The following SHISA9 variants were observed in gnomAD, a reference collection of about 807,000 sequenced individuals.
The protein encoded by SHISA9 is shisa family member 9, also known as protein shisa-9.
SHISA9 carries 13 observed loss-of-function variants against 38.0 expected under a neutral mutation model. That is an observed-to-expected ratio of 0.34 (90% CI 0.22 to 0.54). SHISA9 has a LOEUF of 0.54. Ranked by LOEUF, SHISA9 falls within the 20% of genes least tolerant of loss-of-function variation. SHISA9 has a pLI of 0.91. For missense variants in SHISA9, 538 were observed against 575.8 expected (o/e 0.93, Z 0.67); for synonymous variants, 275 against 242.0 (o/e 1.14, Z -1.27).
the SHISA9 span, among the ~76,000 whole-genome samples, chr16:13,310,013 A>C: frequency 6.6e-6 from 1 of 151,988 alleles, no homozygotes; most frequent in Non-Finnish European, 1.5e-5. Flanking sequence ...TCAGCCCTCA[A>C]AGTAGGTGGG....
the SHISA9 span, among the ~76,000 whole-genome samples, chr16:13,407,906 G>C: frequency 6.6e-6 from 1 of 152,180 alleles, no homozygotes; most frequent in Non-Finnish European, 1.5e-5. Flanking sequence ...AGAAAGCAAA[G>C]AAAACCACAG....
At chr16:13,016,564 T>G (rs1025057335) in intron 2 of SHISA9, among the ~76,000 whole-genome samples, 2 of 151,992 alleles carry the variant, frequency 1.3e-5, no homozygotes, top group Non-Finnish European at 2.9e-5. Context: ...GTAGTGGTTT[T>G]TTGTTGTTGT....
At chr16:12,953,404 A>G (rs2071786266) in intron 2 of SHISA9, among the ~76,000 whole-genome samples, 1 of 152,188 alleles carries the variant, frequency 6.6e-6, no homozygotes. Context: ...GCACAGAAAG[A>G]TGAAGCTGTT....
At chr16:13,143,615 T>C (rs775935307) in intron 2 of SHISA9, among the ~76,000 whole-genome samples, 5 of 152,222 alleles carry the variant, frequency 3.3e-5, no homozygotes, top group Admixed American at 6.5e-5. Flanking sequence ...TCCCACTAGA[T>C]TGATGTATAA....
the SHISA9 span, among the ~76,000 whole-genome samples, chr16:13,526,862 C>G: frequency 6.6e-6 from 1 of 152,202 alleles, no homozygotes. Context: ...CCCAAACGTA[C>G]ATCCATGGTG....
the SHISA9 span, among the ~76,000 whole-genome samples, chr16:13,421,719 T>C: frequency 6.6e-6 from 1 of 152,214 alleles, no homozygotes; most frequent in South Asian, 2.1e-4. Context: ...AAGAACCCAA[T>C]ACAATATTTG....
At chr16:12,975,953 T>G (rs565261221) in intron 2 of SHISA9, among the ~76,000 whole-genome samples, 1 of 152,234 alleles carries the variant, frequency 6.6e-6, no homozygotes, top group Non-Finnish European at 1.5e-5. Context: ...GCAAATCTGA[T>G]GACCCGGGGC....
At chr16:13,398,882 G>T in the SHISA9 span, among the ~76,000 whole-genome samples, 1 of 152,152 alleles carries the variant, frequency 6.6e-6, no homozygotes, top group Non-Finnish European at 1.5e-5. Flanking sequence ...TTTGTTAAAT[G>T]AATCATGAAT....
At chr16:13,187,935 C>T (rs1035600299) in intron 2 of SHISA9, among the ~76,000 whole-genome samples, 4 of 152,152 alleles carry the variant, frequency 2.6e-5, no homozygotes, top group African/African-American at 7.2e-5. Context: ...GTTCCTCCAA[C>T]CCCTGAGTAG....
At chr16:13,250,451 C>T in the SHISA9 span, among the ~76,000 whole-genome samples, 2 of 152,110 alleles carry the variant, frequency 1.3e-5, no homozygotes, top group African/African-American at 4.8e-5. Context: ...GGATAGGAGC[C>T]AGAAATTCTT....
the SHISA9 span, among the ~76,000 whole-genome samples, chr16:13,454,418 C>A: frequency 6.6e-6 from 1 of 152,180 alleles, no homozygotes; most frequent in Admixed American, 6.5e-5. Flanking sequence ...CGCATGGATC[C>A]TCTTGTCAAC....
At chr16:13,032,300 T>G (rs1214427979) in intron 2 of SHISA9, among the ~76,000 whole-genome samples, 1 of 152,136 alleles carries the variant, frequency 6.6e-6, no homozygotes, top group Non-Finnish European at 1.5e-5. Flanking sequence ...CTGTGTCAGT[T>G]TGCTGAGAAT....
intron 2 of SHISA9, among the ~76,000 whole-genome samples, chr16:13,169,719 TGTA>T (rs1369322260): frequency 6.6e-6 from 1 of 152,150 alleles, no homozygotes; most frequent in Non-Finnish European, 1.5e-5. Flanking sequence ...ATGCCGTCTT[TGTA>T]GTATAGTCTT....
intron 2 of SHISA9, among the ~76,000 whole-genome samples, chr16:12,929,722 C>G (rs2071439000): frequency 6.6e-6 from 1 of 151,896 alleles, no homozygotes; most frequent in Non-Finnish European, 1.5e-5. Context: ...ATCTGTGTAG[C>G]AAACCACCAC....
chr16:13,559,057 T>G, the SHISA9 span, among the ~76,000 whole-genome samples: 1 of 152,220 alleles, frequency 6.6e-6, no homozygotes, highest in Admixed American at 6.5e-5. Flanking sequence ...CAATGTAAGC[T>G]CCAAGAAAGC....
the SHISA9 span, among the ~76,000 whole-genome samples, chr16:13,418,115 T>C: frequency 6.6e-6 from 1 of 152,202 alleles, no homozygotes; most frequent in South Asian, 2.1e-4. Context: ...AGAAGCTAGA[T>C]TATGTTTATC....
chr16:13,264,622 C>G, the SHISA9 span, among the ~76,000 whole-genome samples: 26 of 152,102 alleles, frequency 1.7e-4, 1 homozygote, highest in Non-Finnish European at 3.4e-4. Flanking sequence ...TTATTCTAAA[C>G]AGAATGTCTC....
intron 2 of SHISA9, among the ~76,000 whole-genome samples, chr16:12,932,798 T>C (rs2071478823): frequency 6.6e-6 from 1 of 152,236 alleles, no homozygotes; most frequent in Admixed American, 6.5e-5. Context: ...TTGTCACTGA[T>C]GACATGTCGT....
the SHISA9 span, among the ~76,000 whole-genome samples, chr16:13,556,520 G>T: frequency 4.3e-4 from 66 of 152,090 alleles, no homozygotes; most frequent in Middle Eastern, 3.4e-3. Flanking sequence ...AAAATTAGCC[G>T]GGCAAGGTGG....
Sources: gnomAD v4.1 joint callset for allele counts (sites outside exome capture counted in the v4.1 genomes callset) on GRCh38, gnomAD v4.1.1 for gene constraint, MANE v1.5 for transcripts, NCBI Gene and HGNC (gene_info 2026-07-23, HGNC 2026-07-21) for gene names.